Variants in RNF38 observed in about 807,000 individuals in gnomAD.
RNF38 encodes the protein E3 ubiquitin-protein ligase RNF38.
A neutral mutation model predicts 67.2 loss-of-function variants in RNF38; 15 were observed. That is an observed-to-expected ratio of 0.22 (90% CI 0.15 to 0.34). The LOEUF (loss-of-function observed/expected upper bound fraction) is 0.34, where lower values mean the gene tolerates loss of function less well. Ranked by LOEUF, RNF38 falls within the 10% of genes least tolerant of loss-of-function variation. The pLI is 1.00. For missense variants in RNF38, 524 were observed against 639.9 expected, an observed-to-expected ratio of 0.82 and a Z score of 1.95; for synonymous variants, 220 against 218.8, an observed-to-expected ratio of 1.01 and a Z score of -0.05.
intron 6 of RNF38, among the ~76,000 whole-genome samples, chr9:36,353,888 T>C (rs1833885692): frequency 6.6e-6 from 1 of 152,136 alleles, no homozygotes; most frequent in Admixed American, 6.6e-5. Context: ...ACCTCAGTAT[T>C]GTCATCTATA....
chr9:36,453,974 ATGCATAAAAT>A (rs1356667941), intron 1 of RNF38, among the ~76,000 whole-genome samples: 1 of 152,204 alleles, frequency 6.6e-6, no homozygotes, highest in East Asian at 1.9e-4. Flanking sequence ...AGAAGTGGAG[ATGCATAAAAT>A]TGCCACTCTA....
rs1313339275 is a variant in RNF38, at chr9:36,348,871, C to T, written c.1263+2244G>A. ...CTAAACAATGGATTTTCAATGTAGACGGAACAGCCCTATATTGGAAGAGGA... is the reference window on the plus strand; with the variant it reads ...CTAAACAATGGATTTTCAATGTAGATGGAACAGCCCTATATTGGAAGAGGA... On this transcript the variant is annotated intron_variant, in intron 9 of 11. Transcript: ENST00000259605. Among the ~76,000 whole-genome samples the T allele has an allele frequency of 4.6e-5, 7 of 152,310 alleles. No homozygotes were observed. The East Asian group carries it at 9.6e-4, about 21-fold the overall frequency.
chr9:36,349,476 T>C (rs190277920), intron 9 of RNF38, among the ~76,000 whole-genome samples: 34 of 152,358 alleles, frequency 2.2e-4, no homozygotes, highest in Admixed American at 6.5e-4. Context: ...AATTGGGTTA[T>C]TCATTTTTTT....
At chr9:36,460,938 C>A (rs1326134386) in intron 1 of RNF38, among the ~76,000 whole-genome samples, 2 of 148,300 alleles carry the variant, frequency 1.3e-5, no homozygotes, top group Admixed American at 6.8e-5. Flanking sequence ...GGAGGCTGGT[C>A]GCGATGGCTC....
chr9:36,367,742 T>C (rs1762338103), intron 4 of RNF38, among the ~76,000 whole-genome samples: 1 of 152,238 alleles, frequency 6.6e-6, no homozygotes, highest in African/African-American at 2.4e-5. Flanking sequence ...TGAAGTTTCA[T>C]TGTTAAGGTT....
chr9:36,405,593 G>GT (rs1838158396), upstream of RNF38, among the ~76,000 whole-genome samples: 2 of 152,204 alleles, frequency 1.3e-5, no homozygotes, highest in South Asian at 4.1e-4. Context: ...CTCTAGAAGT[G>GT]TTTCTTTAAG....
intron 5 of RNF38, among the ~76,000 whole-genome samples, chr9:36,356,919 T>G (rs1481075836): frequency 6.6e-6 from 1 of 151,476 alleles, no homozygotes; most frequent in African/African-American, 2.5e-5. Context: ...CCTTATAATC[T>G]CTCAGTATTT....
chr9:36,387,486 C>T (rs943155274), intron 2 of RNF38, among the ~76,000 whole-genome samples: 1 of 152,138 alleles, frequency 6.6e-6, no homozygotes, highest in African/African-American at 2.4e-5. Context: ...ATAGTAAAGA[C>T]ATGCCTAATT....
intron 3 of RNF38, among the ~76,000 whole-genome samples, chr9:36,372,808 C>A (rs77524129): frequency 0.019 from 2,860 of 152,322 alleles, 58 homozygotes; most frequent in East Asian, 0.095. Context: ...TGGTCCAAGG[C>A]ATTTCCTGTG....
chr9:36,440,969 A>G (rs762170079), intron 1 of RNF38, among the ~76,000 whole-genome samples: 1 of 152,160 alleles, frequency 6.6e-6, no homozygotes, highest in Non-Finnish European at 1.5e-5. Context: ...TGAAAACTCC[A>G]TGGGCAGACA....
chr9:36,446,403 T>C (rs1839300644), intron 1 of RNF38, among the ~76,000 whole-genome samples: 2 of 151,956 alleles, frequency 1.3e-5, no homozygotes, highest in Admixed American at 6.5e-5. Context: ...TTTTCTCCCC[T>C]GTGTTTCCTG....
chr9:36,400,981 C>G (rs1040563290), upstream of RNF38: 2 of 984,672 alleles, frequency 2.0e-6, no homozygotes, highest in Non-Finnish European at 2.4e-6. Context: ...CGCCGGCGCA[C>G]TGGCCTCCGC....
At chr9:36,430,339 T>C (rs903915732) in intron 1 of RNF38, among the ~76,000 whole-genome samples, 5 of 152,098 alleles carry the variant, frequency 3.3e-5, no homozygotes, top group Admixed American at 2.0e-4. Flanking sequence ...CCGGAGTAGC[T>C]GGAATTACAG....
At chr9:36,359,538 A>G (rs996523251) in intron 4 of RNF38, among the ~76,000 whole-genome samples, 10 of 152,122 alleles carry the variant, frequency 6.6e-5, no homozygotes, top group African/African-American at 1.7e-4. Flanking sequence ...CCTGGATTTC[A>G]TGCTGCTTTA....
chr9:36,431,142 A>G (rs1186534304), intron 1 of RNF38, among the ~76,000 whole-genome samples: 6 of 152,236 alleles, frequency 3.9e-5, no homozygotes, highest in African/African-American at 7.2e-5. Flanking sequence ...TTCTGATTCA[A>G]TAATTTGCTA....
At chr9:36,350,694 G>A (rs1833628185) in intron 9 of RNF38, among the ~76,000 whole-genome samples, 1 of 152,226 alleles carries the variant, frequency 6.6e-6, no homozygotes, top group South Asian at 2.1e-4. Flanking sequence ...TTCTAATAGA[G>A]CACCAATCTA....
intron 9 of RNF38, among the ~76,000 whole-genome samples, chr9:36,346,166 C>T (rs1422915062): frequency 1.3e-5 from 2 of 152,182 alleles, no homozygotes; most frequent in African/African-American, 4.8e-5. Flanking sequence ...ACCATCAACT[C>T]ATGAACTTTA....
chr9:36,475,933 C>G (rs1840110498), intron 1 of RNF38, among the ~76,000 whole-genome samples: 1 of 149,062 alleles, frequency 6.7e-6, no homozygotes, highest in Non-Finnish European at 1.5e-5. Context: ...TGCTTGAACC[C>G]AGGAGGTGGA....
chr9:36,369,675 C>A lies in RNF38; in HGVS notation c.570+44G>T. Reference sequence around the variant, plus strand: ...AAAAAAAAAAAATCTCAAACTGCCACAAAATTTCAGCTTCTGTATTTCCAA... The same window carrying A: ...AAAAAAAAAAAATCTCAAACTGCCAAAAAATTTCAGCTTCTGTATTTCCAA... On this transcript the variant is annotated intron_variant, in intron 4 of 11. Transcript: ENST00000259605. The A allele has an allele frequency of 4.2e-6, 6 of 1,444,674 alleles. No homozygotes were observed. The African/African-American group carries it at 4.3e-5, about 10-fold the overall frequency. The allele number at this position is 1,444,674 out of a possible 1,614,324, so 89.5% of individuals were successfully genotyped here. A position where few individuals can be genotyped will look rare whatever the true frequency, so the allele number is the denominator to read the frequency against.
Sources: allele counts gnomAD v4.1 joint callset (sites outside exome capture counted in the v4.1 genomes callset), GRCh38; gene constraint gnomAD v4.1.1; transcripts MANE v1.5; gene names NCBI Gene and HGNC (gene_info 2026-07-23, HGNC 2026-07-21).